CAMTA1: variants seen among roughly 807,000 people sequenced by gnomAD.
The protein encoded by CAMTA1 is calmodulin-binding transcription activator 1.
Under a neutral mutation model 170.9 loss-of-function variants are expected in CAMTA1, and 27 were observed. That is an observed-to-expected ratio of 0.16 (90% CI 0.12 to 0.22). The LOEUF is 0.22. CAMTA1 is among the 10% of genes least tolerant of loss of function. The probability of loss-of-function intolerance (pLI) is 1.00; values close to 1 mark genes in which losing one functional copy is unlikely to be tolerated. For missense variants in CAMTA1, 1,619 were observed against 2,217.2 expected (o/e 0.73, Z 5.42); for synonymous variants, 833 against 891.5 (o/e 0.93, Z 1.17).
At chr1:7,650,625 G>T (rs1400514820) in intron 7 of CAMTA1, among the ~76,000 whole-genome samples, 3 of 152,176 alleles carry the variant, frequency 2.0e-5, no homozygotes, top group African/African-American at 7.2e-5. Context: ...CACCAGAAAT[G>T]ACAGGCTCAC....
intron 4 of CAMTA1, among the ~76,000 whole-genome samples, chr1:7,143,584 TC>T (rs1390405389): frequency 1.3e-5 from 2 of 152,134 alleles, no homozygotes; most frequent in African/African-American, 2.4e-5. Context: ...CCTTCCAACC[TC>T]CAACTAACAC....
intron 3 of CAMTA1, among the ~76,000 whole-genome samples, chr1:6,903,757 A>G (rs1228221876): frequency 6.6e-6 from 1 of 152,134 alleles, no homozygotes; most frequent in Non-Finnish European, 1.5e-5. Context: ...TTAAGGGGCA[A>G]CTCCTTCCAG....
chr1:6,994,054 T>C (rs950391499), intron 3 of CAMTA1, among the ~76,000 whole-genome samples: 12 of 152,184 alleles, frequency 7.9e-5, no homozygotes, highest in Admixed American at 7.9e-4. Context: ...TACATGTAGT[T>C]AATATTTGTA....
rs925471931 is a variant in CAMTA1 at position 7,325,135 on chromosome 1, C to G, written c.438+75509C>G. 1.3e-5 allele frequency among the ~76,000 whole-genome samples: 2 copies of G among 152,184 alleles called. No homozygotes were observed. The highest frequency in any genetic ancestry group is 1.5e-5 in the Non-Finnish European group (1 of 68,034). On this transcript the variant is annotated intron_variant, in intron 5 of 22. Coordinates refer to ENST00000303635, the MANE Select transcript of CAMTA1 (RefSeq NM_015215.4). This position sits in a 1 kb window ranked among gnomAD's most constrained non-coding sequence, Gnocchi z 5.0. Reference sequence around the variant, plus strand: ...TCAACATTAAATTCCACGCACTGTTCTAGGAACATAGGAAACACAAGGAAC... The same window carrying G: ...TCAACATTAAATTCCACGCACTGTTGTAGGAACATAGGAAACACAAGGAAC...
rs149689516 is a variant in CAMTA1 at position 7,076,531 on chromosome 1, G to A, written c.235-14773G>A. On this transcript the variant is annotated intron_variant, in intron 3 of 22. Coordinates refer to ENST00000303635, the MANE Select transcript of CAMTA1 (RefSeq NM_015215.4). ...TCTTTTCTTTCTAATAAAATCTGAG[G>A]TTCTAAGGATAGGGCCCATCTGGTT... Among the ~76,000 whole-genome samples the A allele has an allele frequency of 1.2e-4, 19 of 152,270 alleles. 1 individual carries two copies. The East Asian group carries it at 2.3e-3, about 19-fold the overall frequency.
intron 9 of CAMTA1, among the ~76,000 whole-genome samples, chr1:7,668,388 AACAC>A (rs779206499): frequency 0.021 from 2,168 of 101,390 alleles, 40 homozygotes; most frequent in African/African-American, 0.044. Flanking sequence ...GCTGGTCACC[AACAC>A]ACACACACAC....
chr1:7,132,462 A>G (rs912721565), intron 4 of CAMTA1, among the ~76,000 whole-genome samples: 1 of 152,182 alleles, frequency 6.6e-6, no homozygotes. Context: ...TTTTGTAAAG[A>G]CAGGGTCTCA....
chr1:7,033,065 C>T (rs895712924), intron 3 of CAMTA1, among the ~76,000 whole-genome samples: 3 of 152,038 alleles, frequency 2.0e-5, no homozygotes, highest in Non-Finnish European at 2.9e-5. Context: ...GCTTGGGGCT[C>T]GTTGAGCTAC....
intron 3 of CAMTA1, among the ~76,000 whole-genome samples, chr1:6,998,879 TATTC>T (rs1331322421): frequency 3.9e-5 from 6 of 152,260 alleles, no homozygotes; most frequent in African/African-American, 1.2e-4. Context: ...ATTATTTAAA[TATTC>T]ATTTATTCAT....
Position 7,736,681 on chromosome 1 carries a change from G to A in CAMTA1, c.3263+141G>A. On this transcript the variant is annotated intron_variant, in intron 13 of 22. Coordinates refer to ENST00000303635, the MANE Select transcript of CAMTA1 (RefSeq NM_015215.4). This position sits in a 1 kb window ranked among gnomAD's most constrained non-coding sequence, Gnocchi z 4.5. The stretch of plus-strand genomic sequence containing the variant: ...GAGCAAAGGGCTTTGTCCTTGGACA[G>A]TTTCCAAGGGAGTTTTATAAACTTC... 3.7e-6 allele frequency: 3 copies of A among 809,956 alleles called. No homozygotes were observed. The highest frequency in any genetic ancestry group is 2.0e-6 in the Non-Finnish European group (1 of 507,260). 50.2% of individuals were successfully genotyped at this position (809,956 alleles called of 1,614,324 possible).
rs924984552 is a variant in CAMTA1, at chr1:7,427,754, G to C, written c.439-40076G>C. ...CCTCTCCCTCTGCACACATTCTGCC[G>C]CCCAGGGACGAGGCGCAATCCCAGC... On this transcript the variant is annotated intron_variant, in intron 5 of 22. Coordinates refer to ENST00000303635, the MANE Select transcript of CAMTA1 (RefSeq NM_015215.4). Among the ~76,000 whole-genome samples the C allele has an allele frequency of 9.8e-5, 15 of 152,300 alleles. No individual in the cohort carries two copies. In the South Asian group the frequency reaches 1.0e-3, roughly 11 times the overall value.
intron 5 of CAMTA1, among the ~76,000 whole-genome samples, chr1:7,288,304 G>T (rs1483856917): frequency 5.3e-5 from 8 of 152,136 alleles, no homozygotes; most frequent in Non-Finnish European, 5.9e-5. Flanking sequence ...AACAGGAAGG[G>T]GTTGCTTTTT....
intron 6 of CAMTA1, among the ~76,000 whole-genome samples, chr1:7,604,509 A>G (rs375064533): frequency 0.13 from 20,412 of 152,030 alleles, 1,457 homozygotes; most frequent in African/African-American, 0.15. Flanking sequence ...CATAGTTCTG[A>G]GGCCGTGGTT....
chr1:7,139,522 C>A (rs991404563), intron 4 of CAMTA1, among the ~76,000 whole-genome samples: 2 of 151,868 alleles, frequency 1.3e-5, no homozygotes, highest in African/African-American at 2.4e-5. Context: ...AGTTTAAGAG[C>A]CCCTCCCTGG....
At chr1:7,719,362 T>A (rs899740112) in intron 11 of CAMTA1, among the ~76,000 whole-genome samples, 1 of 152,230 alleles carries the variant, frequency 6.6e-6, no homozygotes, top group Non-Finnish European at 1.5e-5. Flanking sequence ...TTGCTGCCCT[T>A]GTAACATTTT....
intron 4 of CAMTA1, chr1:7,219,533 A>AT (rs1660347343): frequency 9.4e-6 from 1 of 106,190 alleles, no homozygotes; most frequent in Non-Finnish European, 1.7e-5. Flanking sequence ...TGACATTTGA[A>AT]TTTTTTCTTA....
chr1:7,266,914 G>T (rs1335949199), intron 5 of CAMTA1, among the ~76,000 whole-genome samples: 4 of 152,198 alleles, frequency 2.6e-5, no homozygotes, highest in Non-Finnish European at 5.9e-5. Flanking sequence ...GACCCAGGTG[G>T]CACAGCAGGA....
rs574200798 is a variant in CAMTA1 at position 7,641,011 on chromosome 1, C to T, written c.664+458C>T. 5.9e-5 allele frequency among the ~76,000 whole-genome samples: 9 copies of T among 152,280 alleles called. No homozygotes were observed. ...CTCAGGGCCTGCCTCGGCTCCCAGG[C>T]TGGGTGGCAAATAGATGATGGTAAT... On this transcript the variant is annotated intron_variant, in intron 7 of 22. Coordinates refer to ENST00000303635, the MANE Select transcript of CAMTA1 (RefSeq NM_015215.4). The surrounding 1 kb of genome is among the most constrained non-coding windows in gnomAD (Gnocchi z 4.5).
intron 6 of CAMTA1, among the ~76,000 whole-genome samples, chr1:7,604,615 A>T (rs933882537): frequency 1.3e-5 from 2 of 152,010 alleles, no homozygotes; most frequent in African/African-American, 4.8e-5. Context: ...CTTCTTTGCC[A>T]TGGGTTCGAA....
Sources: allele counts gnomAD v4.1 joint callset (sites outside exome capture counted in the v4.1 genomes callset), GRCh38; gene constraint gnomAD v4.1.1; non-coding constraint Gnocchi (gnomAD v3.1); transcripts MANE v1.5; gene names NCBI Gene and HGNC (gene_info 2026-07-23, HGNC 2026-07-21).